The following NAALADL2 variants were observed in gnomAD, a reference collection of about 807,000 sequenced individuals.
The protein encoded by NAALADL2 is inactive N-acetylated-alpha-linked acidic dipeptidase-like protein 2.
NAALADL2 carries 76 observed loss-of-function variants against 87.2 expected under a neutral mutation model. The observed-to-expected ratio is 0.87, with a 90% CI of 0.72 to 1.05. NAALADL2 has a LOEUF of 1.05. NAALADL2 is among the 50% of genes least tolerant of loss of function. The pLI is 0.00. For synonymous variants in NAALADL2, 354 were observed against 331.0 expected, an observed-to-expected ratio of 1.07 and a Z score of -0.75; for missense variants, 1,089 against 945.8, an observed-to-expected ratio of 1.15 and a Z score of -1.99.
intron 1 of NAALADL2, among the ~76,000 whole-genome samples, chr3:174,975,879 C>T (rs1744293035): frequency 6.6e-6 from 1 of 152,144 alleles, no homozygotes; most frequent in African/African-American, 2.4e-5. Context: ...TAGAAGAGGA[C>T]TCCTAAGTCC....
intron 5 of NAALADL2, among the ~76,000 whole-genome samples, chr3:175,401,539 C>T (rs149874088): frequency 2.2e-4 from 34 of 152,208 alleles, no homozygotes; most frequent in African/African-American, 7.9e-4. Flanking sequence ...TACACAAACC[C>T]AGATTATATA....
chr3:175,199,864 ATTTTTTTTTTTTTTTTTT>A (rs869050569), intron 2 of NAALADL2, among the ~76,000 whole-genome samples: 4 of 13,056 alleles, frequency 3.1e-4, no homozygotes, highest in African/African-American at 7.0e-4. Flanking sequence ...ATATATATAT[ATTTTTTTTTTTTTTTTTT>A]TTTTTTTTTT....
At chr3:175,461,644 C>T (rs981766751) in intron 6 of NAALADL2, among the ~76,000 whole-genome samples, 2 of 152,168 alleles carry the variant, frequency 1.3e-5, no homozygotes, top group African/African-American at 2.4e-5. Flanking sequence ...GTACAGTATA[C>T]ATATTGTGAC....
At chr3:174,843,415 C>G (rs1284673707) in intron 3 of NAALADL2, among the ~76,000 whole-genome samples, 1 of 151,728 alleles carries the variant, frequency 6.6e-6, no homozygotes, top group Non-Finnish European at 1.5e-5. Context: ...TGATATATAC[C>G]ACATTTTCTT....
chr3:174,907,968 A>G (rs544067944), intron 1 of NAALADL2, among the ~76,000 whole-genome samples: 1 of 151,442 alleles, frequency 6.6e-6, no homozygotes, highest in South Asian at 2.1e-4. Flanking sequence ...TCCAGCATTA[A>G]GTAACATATT....
At chr3:175,300,221 T>TC (rs541181107) in intron 4 of NAALADL2, among the ~76,000 whole-genome samples, 2,020 of 152,332 alleles carry the variant, frequency 0.013, 48 homozygotes, top group African/African-American at 0.046. Flanking sequence ...GCATTGATGT[T>TC]CGTCAAGAAT....
chr3:175,702,553 T>A (rs937513970), intron 11 of NAALADL2, among the ~76,000 whole-genome samples: 1 of 152,160 alleles, frequency 6.6e-6, no homozygotes, highest in African/African-American at 2.4e-5. Flanking sequence ...AATAGCACTA[T>A]ATTGAAAATG....
At chr3:174,645,483 G>A (rs1287591715) in intron 2 of NAALADL2, among the ~76,000 whole-genome samples, 2 of 152,114 alleles carry the variant, frequency 1.3e-5, no homozygotes, top group Non-Finnish European at 2.9e-5. Context: ...ATGTTTATGT[G>A]AAAAATAGAG....
intron 3 of NAALADL2, among the ~76,000 whole-genome samples, chr3:174,740,348 C>T (rs1733648268): frequency 6.6e-6 from 1 of 151,796 alleles, no homozygotes; most frequent in South Asian, 2.1e-4. Context: ...AACTAAAAAC[C>T]CTCAGACCTG....
intron 2 of NAALADL2, among the ~76,000 whole-genome samples, chr3:174,630,943 A>C (rs769472928): frequency 5.3e-5 from 8 of 152,102 alleles, no homozygotes; most frequent in Non-Finnish European, 1.0e-4. Flanking sequence ...CACTTTCAGA[A>C]GGGATTTTGG....
At chr3:175,317,635 A>G (rs1215654236) in intron 4 of NAALADL2, among the ~76,000 whole-genome samples, 1 of 152,154 alleles carries the variant, frequency 6.6e-6, no homozygotes, top group Non-Finnish European at 1.5e-5. Context: ...TTATAGATGG[A>G]TAAGTGGCCC....
intron 1 of NAALADL2, among the ~76,000 whole-genome samples, chr3:174,971,889 A>G (rs914896608): frequency 1.3e-5 from 2 of 151,772 alleles, no homozygotes; most frequent in African/African-American, 4.8e-5. Flanking sequence ...GTAGAGATGG[A>G]TTTTCACCAT....
At chr3:174,695,857 CA>C (rs201121171) in intron 2 of NAALADL2, among the ~76,000 whole-genome samples, 1,801 of 152,060 alleles carry the variant, frequency 0.012, 39 homozygotes, top group African/African-American at 0.041. Flanking sequence ...TCATAGCCTG[CA>C]AAAGTAACAT....
intron 2 of NAALADL2, among the ~76,000 whole-genome samples, chr3:174,568,434 TGTC>T (rs1182517339): frequency 4.0e-5 from 6 of 151,832 alleles, no homozygotes; most frequent in African/African-American, 1.4e-4. Flanking sequence ...ATATGGTTCC[TGTC>T]CTGAAGAAAG....
intron 1 of NAALADL2, among the ~76,000 whole-genome samples, chr3:175,050,522 G>C (rs1346033715): frequency 2.6e-5 from 4 of 152,080 alleles, no homozygotes; most frequent in African/African-American, 9.7e-5. Context: ...GAAGTGTTTT[G>C]GGTCTTCATT....
At chr3:174,880,412 T>C (rs1729057433) in intron 1 of NAALADL2, among the ~76,000 whole-genome samples, 1 of 152,152 alleles carries the variant, frequency 6.6e-6, no homozygotes, top group Non-Finnish European at 1.5e-5. Flanking sequence ...TTAGTCCCTT[T>C]GGAAATGCAA....
intron 1 of NAALADL2, among the ~76,000 whole-genome samples, chr3:174,893,471 C>A (rs1041701505): frequency 2.0e-5 from 3 of 151,984 alleles, no homozygotes; most frequent in African/African-American, 7.2e-5. Flanking sequence ...AGGAACCAAT[C>A]AAAAATAATA....
intron 1 of NAALADL2, among the ~76,000 whole-genome samples, chr3:175,075,019 A>G (rs1467934039): frequency 6.6e-6 from 1 of 152,168 alleles, no homozygotes; most frequent in Non-Finnish European, 1.5e-5. Context: ...ATATAAAACA[A>G]TGGACGAGAC....
intron 1 of NAALADL2, among the ~76,000 whole-genome samples, chr3:175,040,512 G>T (rs12633726): frequency 0.18 from 27,096 of 152,074 alleles, 2,863 homozygotes; most frequent in East Asian, 0.38. Context: ...AGGGACAAAT[G>T]CTCCAGACTA....
Sources: allele counts gnomAD v4.1 joint callset (sites outside exome capture counted in the v4.1 genomes callset), GRCh38; gene constraint gnomAD v4.1.1; transcripts MANE v1.5; gene names NCBI Gene and HGNC (gene_info 2026-07-23, HGNC 2026-07-21).